The following QSER1 variants were observed in gnomAD, a reference collection of about 807,000 sequenced individuals.
QSER1 encodes the protein glutamine and serine-rich protein 1.
QSER1 carries 49 observed loss-of-function variants against 158.5 expected under a neutral mutation model. The observed-to-expected ratio is 0.31, with a 90% CI of 0.25 to 0.39. QSER1 has a LOEUF of 0.39. Among genes scored for constraint, QSER1 ranks in the 10% least tolerant of loss-of-function variants. QSER1 has a pLI of 1.00. For synonymous variants in QSER1, 650 were observed against 715.5 expected, an observed-to-expected ratio of 0.91 and a Z score of 1.46; for missense variants, 1,754 against 2,010.3, an observed-to-expected ratio of 0.87 and a Z score of 2.44.
chr11:32,956,030 A>G lies in QSER1; in HGVS notation c.4660A>G (p.Ile1554Val). 6.2e-7 allele frequency: 1 copy of G among 1,608,360 alleles called. No individual in the cohort carries two copies. Among genetic ancestry groups the G allele is most frequent in the Non-Finnish European group, 8.5e-7 (1 of 1,175,166 alleles). ...FGDAKSKYKR[I>V]YVKFIENANK... ...AGATGCAAAGAGTAAATACAAAAGA[A>G]TATATGTGAAGTTCATTGAAAATGC... The change falls in exon 7 of 13, where the codon ATA becomes GTA. Residue 1554 changes from isoleucine (I) to valine (V), a missense_variant. This residue lies in a region of QSER1 where 1,707 missense variants were observed against 1,919.6 expected (regional missense o/e 0.89). Transcript: ENST00000650167.
At chr11:32,974,327 T>C (rs1359032667) in intron 11 of QSER1, among the ~76,000 whole-genome samples, 1 of 151,488 alleles carries the variant, frequency 6.6e-6, no homozygotes, top group African/African-American at 2.4e-5. Flanking sequence ...CTTGAGAAGC[T>C]GAGTGGGAGG....
intron 1 of QSER1, among the ~76,000 whole-genome samples, chr11:32,924,287 G>A (rs1336223782): frequency 6.6e-6 from 1 of 152,060 alleles, no homozygotes; most frequent in Non-Finnish European, 1.5e-5. Context: ...GTGGAGGCCA[G>A]GTGTGGTGGC....
At chr11:32,901,179 G>T (rs1263375273) in intron 1 of QSER1, among the ~76,000 whole-genome samples, 1 of 152,194 alleles carries the variant, frequency 6.6e-6, no homozygotes, top group African/African-American at 2.4e-5. Flanking sequence ...TATGTAAAAT[G>T]AGGACACTTA....
At chr11:32,909,839 A>G (rs186702534) in intron 1 of QSER1, among the ~76,000 whole-genome samples, 4 of 152,200 alleles carry the variant, frequency 2.6e-5, no homozygotes, top group Admixed American at 2.0e-4. Flanking sequence ...TGGTCATGAC[A>G]TTATAAGGTG....
At chr11:32,923,330 G>A (rs1851921345) in intron 1 of QSER1, among the ~76,000 whole-genome samples, 3 of 152,192 alleles carry the variant, frequency 2.0e-5, no homozygotes, top group Admixed American at 1.3e-4. Context: ...TGTGGTGATG[G>A]AAGTGTTCTC....
At chr11:32,915,056 G>C (rs2133515449) in intron 1 of QSER1, among the ~76,000 whole-genome samples, 1 of 152,100 alleles carries the variant, frequency 6.6e-6, no homozygotes, top group African/African-American at 2.4e-5. Flanking sequence ...GAGTAGCTTG[G>C]ACTACAGGTG....
intron 1 of QSER1, among the ~76,000 whole-genome samples, chr11:32,910,754 G>A (rs1475240672): frequency 6.6e-6 from 1 of 152,186 alleles, no homozygotes; most frequent in Non-Finnish European, 1.5e-5. Context: ...GGTAAATAGA[G>A]TAAAAATCAA....
intron 4 of QSER1, among the ~76,000 whole-genome samples, chr11:32,945,640 C>T (rs1402469604): frequency 6.6e-6 from 1 of 151,362 alleles, no homozygotes; most frequent in South Asian, 2.1e-4. Context: ...TTGAGGGTAA[C>T]CCGACCTTTC....
intron 1 of QSER1, among the ~76,000 whole-genome samples, chr11:32,902,150 G>A (rs1851633986): frequency 6.6e-6 from 1 of 152,222 alleles, no homozygotes; most frequent in Non-Finnish European, 1.5e-5. Context: ...GGGTGAAGGA[G>A]TCGGGCAGGC....
intron 12 of QSER1, 104 bp downstream of exon 12, chr11:32,975,447 G>A (rs1403487520): frequency 1.3e-6 from 2 of 1,539,306 alleles, no homozygotes; most frequent in African/African-American, 1.4e-5. Context: ...AAATACATGT[G>A]TGTATGTATT....
At chr11:32,959,028 G>A (rs746247100) in intron 8 of QSER1, among the ~76,000 whole-genome samples, 1 of 152,134 alleles carries the variant, frequency 6.6e-6, no homozygotes, top group Non-Finnish European at 1.5e-5. Flanking sequence ...AATTAAAACT[G>A]AGATAGTTGT....
intron 1 of QSER1, among the ~76,000 whole-genome samples, chr11:32,919,886 G>C (rs1851879818): frequency 6.6e-6 from 1 of 152,156 alleles, no homozygotes; most frequent in African/African-American, 2.4e-5. Flanking sequence ...TCCTGCTTTG[G>C]TCATTGGGAA....
chr11:32,965,354 G>C (rs952351903), intron 8 of QSER1, among the ~76,000 whole-genome samples: 8 of 151,710 alleles, frequency 5.3e-5, no homozygotes, highest in Admixed American at 5.3e-4. Flanking sequence ...GGCTCAAGCA[G>C]TCCTCCCACC....
At chr11:32,908,314 C>T (rs896418823) in intron 1 of QSER1, among the ~76,000 whole-genome samples, 3 of 152,176 alleles carry the variant, frequency 2.0e-5, no homozygotes, top group African/African-American at 7.2e-5. Flanking sequence ...TGCCATATCA[C>T]CATCACATTT....
chr11:32,963,419 G>C (rs538218368), intron 8 of QSER1, among the ~76,000 whole-genome samples: 3 of 151,764 alleles, frequency 2.0e-5, no homozygotes, highest in East Asian at 1.9e-4. Context: ...GCAGTGGCGC[G>C]ATCTCGGCTC....
In QSER1 at chr11:32,964,781, CAT is replaced by C. The variant is rs1209490117; in HGVS notation, c.4970-1517_4970-1516del. 9.7e-3 allele frequency among the ~76,000 whole-genome samples: 1,383 copies of C among 142,414 alleles called. 39 individuals carry two copies. The highest frequency in any genetic ancestry group is 0.035 in the African/African-American group (1,283 of 37,166). 93.4% of individuals were successfully genotyped at this position (142,414 alleles called of 152,430 possible). A position where few individuals can be genotyped will look rare whatever the true frequency, so the allele number is the denominator to read the frequency against. ...ACACACACACACACACACACACACA[CAT>C]ACACACACATAAACGCACACTATAT... On this transcript the variant is annotated intron_variant, in intron 8 of 12. Transcript: ENST00000650167.
intron 4 of QSER1, among the ~76,000 whole-genome samples, chr11:32,950,541 T>A (rs1372490722): frequency 6.6e-6 from 1 of 152,060 alleles, no homozygotes; most frequent in Non-Finnish European, 1.5e-5. Context: ...ATTTGAAGTA[T>A]TTTTTAATAG....
At chr11:32,925,494 TTTTA>T (rs374397828) in intron 1 of QSER1, among the ~76,000 whole-genome samples, 8,486 of 143,500 alleles carry the variant, frequency 0.059, 283 homozygotes, top group African/African-American at 0.088. Flanking sequence ...TACATCGCTT[TTTTA>T]TTTATTTATT....
intron 1 of QSER1, among the ~76,000 whole-genome samples, chr11:32,912,001 T>C (rs1463586872): frequency 6.6e-6 from 1 of 152,222 alleles, no homozygotes; most frequent in Non-Finnish European, 1.5e-5. Context: ...TTTGGTCATA[T>C]GTGTAAAGCA....
Sources: gnomAD v4.1 joint callset for allele counts (sites outside exome capture counted in the v4.1 genomes callset) on GRCh38, gnomAD v4.1.1 for gene constraint, gnomAD v4.1.1 regional missense constraint, MANE v1.5 for transcripts, NCBI Gene and HGNC (gene_info 2026-07-23, HGNC 2026-07-21) for gene names.